CPAMD8: variants seen among roughly 807,000 people sequenced by gnomAD.
CPAMD8 encodes the protein C3 and PZP-like alpha-2-macroglobulin domain-containing protein 8.
A neutral mutation model predicts 224.7 loss-of-function variants in CPAMD8; 146 were observed. The ratio of observed to expected loss-of-function variants is 0.65; its 90% CI spans 0.57 to 0.75. The LOEUF (loss-of-function observed/expected upper bound fraction) is 0.75, where lower values mean the gene tolerates loss of function less well. Ranked by LOEUF, CPAMD8 falls within the 30% of genes least tolerant of loss-of-function variation. The probability of loss-of-function intolerance (pLI) is 0.00; values close to 1 mark genes in which losing one functional copy is unlikely to be tolerated. For missense variants in CPAMD8, 2,301 were observed against 2,537.5 expected (o/e 0.91, Z 2.00); for synonymous variants, 966 against 1,044.6 (o/e 0.92, Z 1.45).
At chr19:16,980,210 C>A (rs1012863624) in intron 14 of CPAMD8, among the ~76,000 whole-genome samples, 2 of 152,172 alleles carry the variant, frequency 1.3e-5, no homozygotes, top group African/African-American at 2.4e-5. Flanking sequence ...GGCAAAGAGG[C>A]AACAGCACAA....
chr19:16,944,720 TGACCTGTCCACTGTCACCGCTCCG>T (rs57119608), intron 22 of CPAMD8, among the ~76,000 whole-genome samples: 45,850 of 152,046 alleles, frequency 0.3, 8,355 homozygotes, highest in African/African-American at 0.51. Flanking sequence ...ACTACAGCGG[TGACCTGTCCACTGTCACCGCTCCG>T]GAGTTCTGCC....
intron 18 of CPAMD8, among the ~76,000 whole-genome samples, chr19:16,965,468 C>T (rs532574606): frequency 4.6e-5 from 7 of 152,086 alleles, no homozygotes; most frequent in Non-Finnish European, 7.3e-5. Context: ...TCCTATTCAA[C>T]GTAGTGTTGG....
At chr19:17,010,905 C>T (rs774970884) in intron 5 of CPAMD8, among the ~76,000 whole-genome samples, 38 of 151,988 alleles carry the variant, frequency 2.5e-4, no homozygotes, top group Admixed American at 6.6e-5. Flanking sequence ...CACCTGTAAT[C>T]CCAACTACTC....
rs8107860 is a variant in CPAMD8 at position 16,943,604 on chromosome 19, C to T, written c.2793+1945G>A. ...TTCACAGCTGAATAATATTCCATTGCATTGAGGAATTGCATTTCATTGACC... is the reference window on the plus strand; with the variant it reads ...TTCACAGCTGAATAATATTCCATTGTATTGAGGAATTGCATTTCATTGACC... On this transcript the variant is annotated intron_variant, in intron 22 of 41. Coordinates refer to ENST00000443236, the MANE Select transcript of CPAMD8 (RefSeq NM_015692.5). Among the ~76,000 whole-genome samples the T allele has an allele frequency of 5.8e-3, 878 of 152,282 alleles. 7 individuals carry two copies. The highest frequency in any genetic ancestry group is 0.019 in the African/African-American group (805 of 41,556).
chr19:16,904,219 G>T lies in CPAMD8; in HGVS notation c.4251+7C>A, dbSNP rs372570168. ...TGAGCCCCTCCCTCTGGCCCTGCCC[G>T]GCTCGCCTGAGTGGAGGAGAAGCCC... On this transcript the variant is annotated splice_region_variant and intron_variant, in intron 32 of 41. Transcript: ENST00000443236. The T allele has an allele frequency of 6.5e-6, 6 of 922,726 alleles. No homozygotes were observed. The highest frequency in any genetic ancestry group is 7.5e-6 in the Non-Finnish European group (5 of 665,396). The allele number at this position is 922,726 out of a possible 1,614,324, so 57.2% of individuals were successfully genotyped here.
chr19:16,965,377 C>G (rs530449242), intron 18 of CPAMD8, among the ~76,000 whole-genome samples: 11 of 152,206 alleles, frequency 7.2e-5, no homozygotes, highest in Admixed American at 7.2e-4. Context: ...AAACCCACAG[C>G]CAATATCATA....
chr19:16,992,245 C>T (rs573537237), intron 12 of CPAMD8, among the ~76,000 whole-genome samples: 11 of 152,208 alleles, frequency 7.2e-5, no homozygotes, highest in South Asian at 2.1e-4. Context: ...TGCCTGGGCC[C>T]GCCCTGAACC....
chr19:16,987,168 AAAAAAAAAAAAATATATATAT>A (rs1429376772), intron 13 of CPAMD8, among the ~76,000 whole-genome samples: 24 of 103,542 alleles, frequency 2.3e-4, no homozygotes, highest in African/African-American at 1.0e-3. Context: ...AAAAAAAAAA[AAAAAAAAAAAAATATATATAT>A]ATATATATAT....
intron 11 of CPAMD8, 124 bp from the exon 12 acceptor site, chr19:16,993,710 TC>T: frequency 1.1e-6 from 1 of 879,402 alleles, no homozygotes; most frequent in Non-Finnish European, 1.7e-6. Context: ...GACAAACTGC[TC>T]CTGAAATTCA....
At chr19:16,967,336 T>C (rs1599801451) in intron 18 of CPAMD8, among the ~76,000 whole-genome samples, 1 of 6,634 alleles carries the variant, frequency 1.5e-4, no homozygotes, top group African/African-American at 5.2e-4. Flanking sequence ...CTGGGGCCTG[T>C]CGGGGGGTGG....
chr19:16,989,700 G>A lies in CPAMD8; in HGVS notation c.1338C>T (p.Ser446=). 6.2e-7 allele frequency: 1 copy of A among 1,614,068 alleles called. No individual in the cohort carries two copies. The highest frequency in any genetic ancestry group is 1.1e-5 in the South Asian group (1 of 91,074). ...GGTAGCACTGGCTGGGGGAGTACCAGCTGCCGAGGGAGAGGTAGCTGGGCA... is the reference window on the plus strand; with the variant it reads ...GGTAGCACTGGCTGGGGGAGTACCAACTGCCGAGGGAGAGGTAGCTGGGCA... ...QYLPSYLSLG[S]WYSPSQCYLQ... is the part of the protein sequence containing the mutation. Residue 446 remains serine (S), a synonymous_variant, in exon 13 of 42, where the codon AGC becomes AGT. Coordinates refer to ENST00000443236, the MANE Select transcript of CPAMD8 (RefSeq NM_015692.5).
At chr19:16,977,959 AGACCTG>A (rs1329704939) in intron 14 of CPAMD8, among the ~76,000 whole-genome samples, 2 of 152,152 alleles carry the variant, frequency 1.3e-5, no homozygotes, top group African/African-American at 4.8e-5. Flanking sequence ...TGGGGCCAGC[AGACCTG>A]GGCAGCCATT....
chr19:16,920,260 A>AT (rs1211089096), intron 27 of CPAMD8, among the ~76,000 whole-genome samples: 2 of 151,844 alleles, frequency 1.3e-5, no homozygotes, highest in African/African-American at 2.4e-5. Flanking sequence ...CGGGCGGATC[A>AT]CAAGGTCAGA....
chr19:17,025,722 G>A (rs991113806), intron 1 of CPAMD8, among the ~76,000 whole-genome samples: 3 of 152,210 alleles, frequency 2.0e-5, no homozygotes, highest in African/African-American at 7.2e-5. Flanking sequence ...AGCTTTGAAA[G>A]AAGCATTAGG....
intron 6 of CPAMD8, 131 bp downstream of exon 6, chr19:17,009,172 C>T (rs2056579612): frequency 1.3e-6 from 2 of 1,500,378 alleles, no homozygotes; most frequent in Admixed American, 3.5e-5. Flanking sequence ...TAGAAGAGGC[C>T]AGGTCCCAGC....
chr19:16,980,673 G>T lies in CPAMD8; in HGVS notation c.1409C>A (p.Ala470Asp). Reference sequence around the variant, plus strand: ...ACATGTGGACTTCACAGAAAAATAGGCTTCTTCCCCAACCTATGGAAGACA... The same window carrying T: ...ACATGTGGACTTCACAGAAAAATAGTCTTCTTCCCCAACCTATGGAAGACA... Reference protein sequence around the residue: ...PSHPLQVGEEAYFSVKSTCPC... With the variant: ...PSHPLQVGEEDYFSVKSTCPC... Residue 470 changes from alanine to aspartate, a missense_variant, in exon 14 of 42, where the codon GCC becomes GAC. By Grantham distance (126) the Ala-to-Asp change is moderately radical (BLOSUM62 -2). This residue lies in a region of CPAMD8 where 301 missense variants were observed against 406.6 expected (regional missense o/e 0.74). Transcript: ENST00000443236. The T allele has an allele frequency of 1.9e-6, 3 of 1,548,856 alleles. No homozygotes were observed. The highest frequency in any genetic ancestry group is 2.6e-6 in the Non-Finnish European group (3 of 1,148,430).
intron 27 of CPAMD8, among the ~76,000 whole-genome samples, chr19:16,915,016 G>A (rs939811613): frequency 6.6e-6 from 1 of 152,212 alleles, no homozygotes; most frequent in Non-Finnish European, 1.5e-5. Context: ...GCTTGAAGAC[G>A]GAGCTCTCTC....
At chr19:17,000,643 C>G (rs1454063659) in intron 9 of CPAMD8, 121 bp from the exon 10 acceptor site, 6 of 598,134 alleles carry the variant, frequency 1.0e-5, no homozygotes, top group Non-Finnish European at 1.5e-5. Flanking sequence ...CAGCTCCCTC[C>G]ACACCCTGCA....
In CPAMD8 at chr19:16,929,101, T is replaced by C. The variant is rs2053466997; in HGVS notation, c.2985A>G (p.Ala995=). 2 of 1,614,016 alleles carry C rather than the reference T, an allele frequency of 1.2e-6. No individual in the cohort carries two copies. Among genetic ancestry groups the C allele is most frequent in the Admixed American group, 3.3e-5 (2 of 59,996 alleles). Residue 995 remains alanine, a synonymous_variant, in exon 24 of 42, where the codon GCA becomes GCG. Transcript: ENST00000443236. ...CCCCCAGGACGATCTCGATCATGCC[T>C]GCTGTGTCCTGGGGCCCAGAAGACA... ...VALSSGPQDT[A]GMIEIVLGGH...
Sources: gnomAD v4.1 joint callset for allele counts (sites outside exome capture counted in the v4.1 genomes callset) on GRCh38, gnomAD v4.1.1 for gene constraint, gnomAD v4.1.1 regional missense constraint, MANE v1.5 for transcripts, NCBI Gene and HGNC (gene_info 2026-07-23, HGNC 2026-07-21) for gene names.